The following MAPRE2 variants were observed in gnomAD, a reference collection of about 807,000 sequenced individuals.
MAPRE2 encodes the protein microtubule-associated protein RP/EB family member 2.
MAPRE2 carries 13 observed loss-of-function variants against 43.2 expected under a neutral mutation model. The ratio of observed to expected loss-of-function variants is 0.30; its 90% confidence interval spans 0.20 to 0.48. The LOEUF is 0.48. Ranked by LOEUF, MAPRE2 falls within the 20% of genes least tolerant of loss-of-function variation. MAPRE2 has a pLI of 0.99. For synonymous variants in MAPRE2, 135 were observed against 148.8 expected, an observed-to-expected ratio of 0.91 and a Z score of 0.68; for missense variants, 161 against 400.2, an observed-to-expected ratio of 0.40 and a Z score of 5.10.
chr18:34,985,378 TATTTTATATA>T, intron 1 of MAPRE2, among the ~76,000 whole-genome samples: 2 of 40,202 alleles, frequency 5.0e-5, no homozygotes, highest in Non-Finnish European at 4.0e-5. Flanking sequence ...TATAATATAT[TATTTTATATA>T]TATATAATAT....
At chr18:35,038,075 T>C (rs1055914338), upstream of MAPRE2, among the ~76,000 whole-genome samples, 13 of 152,202 alleles carry the variant, frequency 8.5e-5, no homozygotes, top group Non-Finnish European at 1.8e-4. Context: ...CCCTTGCCCC[T>C]GTGTAGATTC....
chr18:35,138,254 A>G (rs768126673), intron 6 of MAPRE2, among the ~76,000 whole-genome samples: 20 of 152,202 alleles, frequency 1.3e-4, no homozygotes, highest in Non-Finnish European at 2.5e-4. Flanking sequence ...CCCTGAGGTC[A>G]AAGAGCACCT....
intron 1 of MAPRE2, among the ~76,000 whole-genome samples, chr18:34,985,497 A>AT (rs34472813): frequency 5.2e-4 from 28 of 54,122 alleles, no homozygotes; most frequent in African/African-American, 2.4e-3. Flanking sequence ...ATTGTATATT[A>AT]TATAATATAT....
At chr18:35,044,267 G>A (rs1905508586) in intron 1 of MAPRE2, among the ~76,000 whole-genome samples, 1 of 152,156 alleles carries the variant, frequency 6.6e-6, no homozygotes, top group Non-Finnish European at 1.5e-5. Flanking sequence ...TTTTGCTCTT[G>A]TTGCCCAGGC....
At chr18:35,029,772 A>G (rs951055142) in intron 2 of MAPRE2, among the ~76,000 whole-genome samples, 4 of 152,196 alleles carry the variant, frequency 2.6e-5, no homozygotes, top group Non-Finnish European at 5.9e-5. Context: ...CTTCAACAAG[A>G]TGCATTTTAT....
intron 2 of MAPRE2, among the ~76,000 whole-genome samples, chr18:35,015,887 G>T (rs2150585119): frequency 6.6e-6 from 1 of 151,878 alleles, no homozygotes; most frequent in East Asian, 1.9e-4. Context: ...CTGACGTTTT[G>T]GGTATAACTG....
At chr18:35,054,120 G>A (rs1906096490) in intron 1 of MAPRE2, among the ~76,000 whole-genome samples, 1 of 152,008 alleles carries the variant, frequency 6.6e-6, no homozygotes, top group Non-Finnish European at 1.5e-5. Flanking sequence ...ATCTAATTTG[G>A]CAGTTTTGTT....
intron 1 of MAPRE2, among the ~76,000 whole-genome samples, chr18:35,050,693 A>G (rs900176258): frequency 2.0e-5 from 3 of 152,200 alleles, no homozygotes; most frequent in Non-Finnish European, 2.9e-5. Context: ...GGTAATTGCC[A>G]ATTTTTTGGC....
intron 1 of MAPRE2, among the ~76,000 whole-genome samples, chr18:34,984,780 AATAT>A (rs2097018175): frequency 1.7e-5 from 2 of 116,594 alleles, no homozygotes; most frequent in African/African-American, 6.8e-5. Context: ...ATAATATATT[AATAT>A]ATAGTTATAT....
chr18:35,105,693 T>C (rs1908872073), intron 4 of MAPRE2, among the ~76,000 whole-genome samples: 1 of 152,016 alleles, frequency 6.6e-6, no homozygotes, highest in Admixed American at 6.6e-5. Context: ...GATGGGGATG[T>C]GGTTTCTTAG....
rs1001417532 is a variant in MAPRE2 at position 35,060,982 on chromosome 18, C to T, written c.123-9213C>T. Among the ~76,000 whole-genome samples the T allele has an allele frequency of 5.9e-5, 9 of 152,040 alleles. No individual in the cohort carries two copies. The East Asian group carries it at 7.7e-4, about 13-fold the overall frequency. Reference sequence around the variant, plus strand: ...ATATGGCAAGAAAGAGCTTAATCTCCGTGTTTTGAAAAATAATCATTAATG... The same window carrying T: ...ATATGGCAAGAAAGAGCTTAATCTCTGTGTTTTGAAAAATAATCATTAATG... On this transcript the variant is annotated intron_variant, in intron 1 of 6. Coordinates refer to ENST00000300249, the MANE Select transcript of MAPRE2 (RefSeq NM_014268.4).
chr18:35,065,722 T>C (rs1427677051), intron 1 of MAPRE2, among the ~76,000 whole-genome samples: 1 of 151,992 alleles, frequency 6.6e-6, no homozygotes, highest in Non-Finnish European at 1.5e-5. Flanking sequence ...CCTGGCTAAT[T>C]TTTGTATTTT....
intron 1 of MAPRE2, among the ~76,000 whole-genome samples, chr18:34,977,488 G>A (rs1424462200): frequency 6.6e-6 from 1 of 152,220 alleles, no homozygotes; most frequent in African/African-American, 2.4e-5. Flanking sequence ...CGCGGCGCAC[G>A]ACCCTCCAGG....
At chr18:35,086,170 C>T (rs749405407) in intron 2 of MAPRE2, among the ~76,000 whole-genome samples, 13 of 152,194 alleles carry the variant, frequency 8.5e-5, no homozygotes, top group South Asian at 2.1e-4. Flanking sequence ...CTGTTTGTGG[C>T]AGAACCCAAT....
At chr18:35,060,663 G>T (rs1370706030) in intron 1 of MAPRE2, among the ~76,000 whole-genome samples, 1 of 152,156 alleles carries the variant, frequency 6.6e-6, no homozygotes, top group African/African-American at 2.4e-5. Flanking sequence ...GACTTGTTAA[G>T]TCTGAGTTTA....
upstream of MAPRE2, among the ~76,000 whole-genome samples, chr18:35,038,450 G>T (rs2097051819): frequency 6.6e-6 from 1 of 152,196 alleles, no homozygotes; most frequent in South Asian, 2.1e-4. Context: ...TGGTTTCCTA[G>T]AGTATCAAAT....
In MAPRE2 at chr18:35,001,474, A is replaced by G. The variant is rs2097029310; in HGVS notation, c.-69-4018A>G. On this transcript the variant is annotated intron_variant, in intron 1 of 7. Transcript: ENST00000413393. ...AGTTGCAGTCAGCAGAGATGGAGCC[A>G]TTGCACTCCAGCCTGGGCAACAGAG... Among the ~76,000 whole-genome samples the G allele has an allele frequency of 2.6e-5, 4 of 151,254 alleles. 1 individual carries two copies. Among genetic ancestry groups the G allele is most frequent in the Admixed American group, 2.6e-4 (4 of 15,156 alleles).
At chr18:35,068,647 A>C (rs1198502278) in intron 1 of MAPRE2, among the ~76,000 whole-genome samples, 3 of 152,212 alleles carry the variant, frequency 2.0e-5, no homozygotes, top group African/African-American at 7.2e-5. Flanking sequence ...TTCCTCGATG[A>C]CCTGTATCTC....
chr18:35,035,850 T>C (rs74473195), intron 2 of MAPRE2, among the ~76,000 whole-genome samples: 1,897 of 136,140 alleles, frequency 0.014, 22 homozygotes, highest in Non-Finnish European at 0.022. Context: ...ATCTCGGGTC[T>C]TCTCTTTCCC....
Sources: gnomAD v4.1 joint callset for allele counts (sites outside exome capture counted in the v4.1 genomes callset) on GRCh38, gnomAD v4.1.1 for gene constraint, MANE v1.5 for transcripts, NCBI Gene and HGNC (gene_info 2026-07-23, HGNC 2026-07-21) for gene names.